Variants in AKT3 observed in about 807,000 individuals in gnomAD.
AKT3 encodes the protein AKT serine/threonine kinase 3.
AKT3 carries 15 observed loss-of-function variants against 65.3 expected under a neutral mutation model. The ratio of observed to expected loss-of-function variants is 0.23; its 90% CI spans 0.15 to 0.35. The LOEUF (loss-of-function observed/expected upper bound fraction) is 0.35, where lower values mean the gene tolerates loss of function less well. AKT3 is among the 10% of genes least tolerant of loss of function. The pLI is 1.00. For synonymous variants in AKT3, 206 were observed against 183.8 expected, an observed-to-expected ratio of 1.12 and a Z score of -0.98; for missense variants, 243 against 576.5, an observed-to-expected ratio of 0.42 and a Z score of 5.92.
intron 2 of AKT3, among the ~76,000 whole-genome samples, chr1:243,699,042 A>C (rs774295934): frequency 2.2e-4 from 33 of 152,312 alleles, no homozygotes; most frequent in Non-Finnish European, 3.5e-4. Flanking sequence ...GTGTGAGTTC[A>C]GATAAGGCAC....
chr1:243,833,477 A>G (rs1204293643), intron 2 of AKT3, among the ~76,000 whole-genome samples: 3 of 150,302 alleles, frequency 2.0e-5, no homozygotes, highest in African/African-American at 5.0e-5. Context: ...ACTCGATAAC[A>G]CGAGAACAGC....
chr1:243,693,557 A>G (rs1281473986), intron 3 of AKT3, among the ~76,000 whole-genome samples: 2 of 151,976 alleles, frequency 1.3e-5, no homozygotes, highest in Non-Finnish European at 2.9e-5. Flanking sequence ...GTCAGGGACA[A>G]AAAGGGCCTT....
At chr1:243,545,140 A>G (rs977111673) in intron 12 of AKT3, among the ~76,000 whole-genome samples, 1 of 152,200 alleles carries the variant, frequency 6.6e-6, no homozygotes, top group African/African-American at 2.4e-5. Context: ...TGTATAAATG[A>G]ATCTGAAGTG....
intron 12 of AKT3, among the ~76,000 whole-genome samples, chr1:243,533,408 C>T (rs1316629385): frequency 6.6e-6 from 1 of 152,148 alleles, no homozygotes; most frequent in Non-Finnish European, 1.5e-5. Context: ...TTAGCCAATT[C>T]TATCACTGAC....
rs575172867 is a variant in AKT3 at position 243,737,998 on chromosome 1, C to T, written c.47-42282G>A. Among the ~76,000 whole-genome samples, 28 of 152,154 alleles carry T rather than the reference C, an allele frequency of 1.8e-4. No individual in the cohort carries two copies. In the East Asian group the frequency reaches 4.6e-3, roughly 25 times the overall value. On this transcript the variant is annotated intron_variant, in intron 2 of 13. Transcript: ENST00000673466. ...GATAACTAATATACTCAAATTGCAC[C>T]GACTACATCCCTGGCCCAGAGAAGT...
chr1:243,804,892 A>G (rs952834407), intron 2 of AKT3, among the ~76,000 whole-genome samples: 4 of 152,060 alleles, frequency 2.6e-5, no homozygotes, highest in Admixed American at 1.3e-4. Flanking sequence ...CATTAACTGT[A>G]GTCATCATGC....
chr1:243,648,757 T>C (rs981161552), intron 4 of AKT3, among the ~76,000 whole-genome samples: 2 of 152,182 alleles, frequency 1.3e-5, no homozygotes, highest in African/African-American at 2.4e-5. Context: ...TTCATTGATA[T>C]TGGGTTTTCT....
intron 1 of AKT3, among the ~76,000 whole-genome samples, chr1:243,846,345 T>C (rs778173708): frequency 6.6e-6 from 1 of 152,174 alleles, no homozygotes; most frequent in Non-Finnish European, 1.5e-5. Flanking sequence ...TCCATCCATA[T>C]ATATATAGGA....
Position 243,664,719 on chromosome 1 carries a change from T to C in AKT3, c.284+53A>G. ...AATAATAAAGTCAGATACAAATACA[T>C]CTTTAGATTGAGTGTTGCTTTTTCA... On this transcript the variant is annotated intron_variant, in intron 4 of 13. Coordinates refer to ENST00000673466, the MANE Select transcript of AKT3 (RefSeq NM_005465.7). 9.6e-6 allele frequency: 8 copies of C among 834,652 alleles called. No homozygotes were observed. The South Asian group carries it at 1.3e-4, about 14-fold the overall frequency. 51.7% of individuals were successfully genotyped at this position (834,652 alleles called of 1,614,324 possible). A position where few individuals can be genotyped will look rare whatever the true frequency, so the allele number is the denominator to read the frequency against.
At chr1:243,558,519 T>C (rs1673561486) in intron 10 of AKT3, among the ~76,000 whole-genome samples, 1 of 152,098 alleles carries the variant, frequency 6.6e-6, no homozygotes, top group Non-Finnish European at 1.5e-5. Context: ...CATCAAATAC[T>C]GCACTTCAGC....
At chr1:243,815,327 C>A (rs531935967) in intron 2 of AKT3, among the ~76,000 whole-genome samples, 1 of 152,150 alleles carries the variant, frequency 6.6e-6, no homozygotes, top group African/African-American at 2.4e-5. Flanking sequence ...TATTTTCCAT[C>A]TTATTGCACA....
intron 12 of AKT3, among the ~76,000 whole-genome samples, chr1:243,534,619 T>C (rs927183885): frequency 1.2e-4 from 19 of 152,180 alleles, no homozygotes. Flanking sequence ...AATGCACCTT[T>C]AACAAATTTT....
In AKT3 at chr1:243,503,516, C is replaced by A. The variant is rs529091593; in HGVS notation, c.*1733G>T. The A allele has an allele frequency of 4.3e-6, 1 of 233,128 alleles. No individual in the cohort carries two copies. The highest frequency in any genetic ancestry group is 8.5e-6 in the Non-Finnish European group (1 of 117,826). The allele number at this position is 233,128 out of a possible 1,614,324, so 14.4% of individuals were successfully genotyped here. On this transcript the variant is annotated 3_prime_UTR_variant, in exon 14 of 14. Coordinates refer to ENST00000673466, the MANE Select transcript of AKT3 (RefSeq NM_005465.7). ...CGGAGTAGGATGGCCTTCTGCTTGC[C>A]GCAAGAGTGGCCCCCAGCCCCTAGG... is the stretch of plus-strand genomic sequence containing the variant.
chr1:243,809,687 T>A (rs1268667112), intron 2 of AKT3, among the ~76,000 whole-genome samples: 1 of 152,190 alleles, frequency 6.6e-6, no homozygotes, highest in Non-Finnish European at 1.5e-5. Context: ...GCAGACCTAA[T>A]AGACATCTAG....
intron 13 of AKT3, among the ~76,000 whole-genome samples, chr1:243,489,517 T>C (rs1665860111): frequency 6.6e-6 from 1 of 152,118 alleles, no homozygotes; most frequent in Non-Finnish European, 1.5e-5. Context: ...AGGTCGTGTA[T>C]GGTTTGAATT....
intron 2 of AKT3, among the ~76,000 whole-genome samples, chr1:243,817,395 G>A (rs1397335144): frequency 1.3e-5 from 2 of 152,186 alleles, no homozygotes; most frequent in Non-Finnish European, 2.9e-5. Flanking sequence ...AATATCTGTA[G>A]TCTGTAGTAT....
downstream of AKT3, chr1:243,499,718 A>G: frequency 1.3e-6 from 2 of 1,501,570 alleles, no homozygotes; most frequent in Non-Finnish European, 1.9e-6. Flanking sequence ...ATTGAAGAAC[A>G]TGAGCTATTG....
chr1:243,758,029 C>T (rs1689247591), intron 2 of AKT3, among the ~76,000 whole-genome samples: 1 of 152,188 alleles, frequency 6.6e-6, no homozygotes, highest in South Asian at 2.1e-4. Context: ...TCCCAAAGTG[C>T]TGGGATCACG....
chr1:243,622,309 G>A (rs532622028), intron 6 of AKT3, among the ~76,000 whole-genome samples: 1 of 152,164 alleles, frequency 6.6e-6, no homozygotes, highest in Non-Finnish European at 1.5e-5. Context: ...CTTTCAGTGA[G>A]GCCTTCCATA....
Sources: gnomAD v4.1 joint callset for allele counts (sites outside exome capture counted in the v4.1 genomes callset) on GRCh38, gnomAD v4.1.1 for gene constraint, MANE v1.5 for transcripts, NCBI Gene and HGNC (gene_info 2026-07-23, HGNC 2026-07-21) for gene names.